The following AHCYL2 variants were observed in gnomAD, a reference collection of about 807,000 sequenced individuals.
AHCYL2 encodes S-adenosylhomocysteine hydrolase-like protein 2.
AHCYL2 carries 28 observed loss-of-function variants against 81.4 expected under a neutral mutation model. The ratio of observed to expected loss-of-function variants is 0.34; its 90% CI spans 0.25 to 0.47. AHCYL2 has a LOEUF of 0.47. Among genes scored for constraint, AHCYL2 ranks in the 20% least tolerant of loss-of-function variants. The pLI, the probability that AHCYL2 is intolerant of heterozygous loss-of-function variation, is 1.00. For synonymous variants in AHCYL2, 272 were observed against 290.2 expected, an observed-to-expected ratio of 0.94 and a Z score of 0.64; for missense variants, 551 against 785.1, an observed-to-expected ratio of 0.70 and a Z score of 3.56.
intron 1 of AHCYL2, among the ~76,000 whole-genome samples, chr7:129,273,943 G>T (rs1221386159): frequency 1.3e-5 from 2 of 152,136 alleles, no homozygotes; most frequent in East Asian, 3.8e-4. Context: ...TCATCTATAG[G>T]CAGGAAACAA....
At chr7:129,342,486 T>C (rs1331844047) in intron 1 of AHCYL2, among the ~76,000 whole-genome samples, 2 of 152,120 alleles carry the variant, frequency 1.3e-5, no homozygotes, top group Admixed American at 6.5e-5. Context: ...ACCAAGAACT[T>C]CCAATTAAAA....
chr7:129,362,586 T>C (rs1379144248), intron 1 of AHCYL2, among the ~76,000 whole-genome samples: 4 of 149,242 alleles, frequency 2.7e-5, no homozygotes, highest in South Asian at 2.1e-4. Flanking sequence ...GGAATAGTTA[T>C]TGGTTTTCTT....
At chr7:129,227,785 T>G (rs1794282777) in intron 1 of AHCYL2, among the ~76,000 whole-genome samples, 1 of 152,184 alleles carries the variant, frequency 6.6e-6, no homozygotes, top group Non-Finnish European at 1.5e-5. Flanking sequence ...GCCTCAAGGC[T>G]ATTGTAAAGC....
At chr7:129,371,283 A>G (rs1005107358) in intron 1 of AHCYL2, among the ~76,000 whole-genome samples, 5 of 152,244 alleles carry the variant, frequency 3.3e-5, no homozygotes, top group Non-Finnish European at 7.3e-5. Flanking sequence ...AATTTAGCAG[A>G]GAAGGTATAT....
At chr7:129,421,475 G>C (rs996668928) in intron 12 of AHCYL2, among the ~76,000 whole-genome samples, 1 of 152,068 alleles carries the variant, frequency 6.6e-6, no homozygotes, top group African/African-American at 2.4e-5. Context: ...TTCTGAACTT[G>C]AGCAAGTGTT....
At chr7:129,364,566 C>T (rs1044556708) in intron 1 of AHCYL2, among the ~76,000 whole-genome samples, 3 of 152,240 alleles carry the variant, frequency 2.0e-5, no homozygotes, top group Non-Finnish European at 2.9e-5. Flanking sequence ...GCTGGGATTA[C>T]AGGCGTGAGC....
At chr7:129,420,170 T>G (rs376110867) in intron 12 of AHCYL2, among the ~76,000 whole-genome samples, 1 of 152,234 alleles carries the variant, frequency 6.6e-6, no homozygotes, top group Non-Finnish European at 1.5e-5. Flanking sequence ...TATTTTCTTA[T>G]GTTTATAAGA....
chr7:129,251,864 C>T (rs1795260967), intron 1 of AHCYL2, among the ~76,000 whole-genome samples: 1 of 152,110 alleles, frequency 6.6e-6, no homozygotes, highest in Non-Finnish European at 1.5e-5. Flanking sequence ...GTCACACTGC[C>T]TTCTGAGTTA....
chr7:129,280,601 A>G (rs943854456), intron 1 of AHCYL2, among the ~76,000 whole-genome samples: 8 of 152,136 alleles, frequency 5.3e-5, no homozygotes, highest in African/African-American at 1.9e-4. Flanking sequence ...TAGATACTTT[A>G]TAAGTTCTTA....
intron 1 of AHCYL2, among the ~76,000 whole-genome samples, chr7:129,370,525 G>C (rs10271956): frequency 0.07 from 10,687 of 151,946 alleles, 391 homozygotes; most frequent in Non-Finnish European, 0.085. Context: ...AGTGAAACCC[G>C]GTCTCTACTA....
chr7:129,329,040 C>T lies in AHCYL2; in HGVS notation c.364-50598C>T, dbSNP rs535917104. On this transcript the variant is annotated intron_variant, in intron 1 of 16. Coordinates refer to ENST00000325006, the MANE Select transcript of AHCYL2 (RefSeq NM_015328.4). ...TGGGACACCCTTTGAAAAGCTAGGC[C>T]AGAGGATTGGGTTCCAGTGATTACC... is the stretch of plus-strand genomic sequence containing the variant. Among the ~76,000 whole-genome samples, 5 of 152,210 alleles carry T rather than the reference C, an allele frequency of 3.3e-5. No individual in the cohort carries two copies. The East Asian group carries it at 9.6e-4, about 29-fold the overall frequency.
rs1225918946 is a variant in AHCYL2 at position 129,419,735 on chromosome 7, A to C, written c.1462-3105A>C. On this transcript the variant is annotated intron_variant, in intron 12 of 16. Coordinates refer to ENST00000325006, the MANE Select transcript of AHCYL2 (RefSeq NM_015328.4). The surrounding 1 kb of genome is among the most constrained non-coding windows in gnomAD (Gnocchi z 4.7). ...CTAGAACTACAGTTGTTCTCCCTGA[A>C]AAAAAAAAAACAAAAAAAAACCGGA... Among the ~76,000 whole-genome samples the C allele has an allele frequency of 6.6e-6, 1 of 150,668 alleles. No homozygotes were observed. The highest frequency in any genetic ancestry group is 1.5e-5 in the Non-Finnish European group (1 of 67,570).
At chr7:129,360,405 C>A (rs1793891210) in intron 1 of AHCYL2, among the ~76,000 whole-genome samples, 1 of 152,236 alleles carries the variant, frequency 6.6e-6, no homozygotes, top group Non-Finnish European at 1.5e-5. Context: ...CGTGAGCCAC[C>A]ACGCCCGGCC....
At chr7:129,309,403 G>A (rs1797561461) in intron 1 of AHCYL2, among the ~76,000 whole-genome samples, 1 of 151,962 alleles carries the variant, frequency 6.6e-6, no homozygotes, top group Non-Finnish European at 1.5e-5. Flanking sequence ...GCTGGGTGTG[G>A]TAGGTACATG....
intron 1 of AHCYL2, among the ~76,000 whole-genome samples, chr7:129,370,464 C>CG: frequency 6.6e-6 from 1 of 152,042 alleles, no homozygotes; most frequent in Non-Finnish European, 1.5e-5. Flanking sequence ...TGGGGGAGGC[C>CG]AGGGCGGGCA....
At chr7:129,267,458 C>A (rs1339294651) in intron 1 of AHCYL2, among the ~76,000 whole-genome samples, 1 of 152,092 alleles carries the variant, frequency 6.6e-6, no homozygotes, top group Non-Finnish European at 1.5e-5. Context: ...GTGCCTGCCA[C>A]CATGCCTGGC....
intron 1 of AHCYL2, among the ~76,000 whole-genome samples, chr7:129,325,778 G>A (rs62480621): frequency 0.23 from 34,523 of 150,936 alleles, 4,916 homozygotes; most frequent in Non-Finnish European, 0.31. Flanking sequence ...CTGGAGTGTA[G>A]TTGTGCAACC....
intron 1 of AHCYL2, among the ~76,000 whole-genome samples, chr7:129,346,431 A>G (rs1793363497): frequency 6.6e-6 from 1 of 152,186 alleles, no homozygotes; most frequent in South Asian, 2.1e-4. Flanking sequence ...AGAGCTCTTA[A>G]TAATAAGGAC....
At chr7:129,273,620 G>A (rs755422212) in intron 1 of AHCYL2, among the ~76,000 whole-genome samples, 5 of 152,130 alleles carry the variant, frequency 3.3e-5, no homozygotes, top group Non-Finnish European at 7.3e-5. Flanking sequence ...GAGCCACTGC[G>A]CCTGGCCGAC....
Sources: gnomAD v4.1 joint callset for allele counts (sites outside exome capture counted in the v4.1 genomes callset) on GRCh38, gnomAD v4.1.1 for gene constraint, Gnocchi (gnomAD v3.1) non-coding constraint, MANE v1.5 for transcripts, NCBI Gene and HGNC (gene_info 2026-07-23, HGNC 2026-07-21) for gene names.